CCBE1: variants seen among roughly 807,000 people sequenced by gnomAD.
The protein encoded by CCBE1 is collagen and calcium-binding EGF domain-containing protein 1.
Under a neutral mutation model 50.0 loss-of-function variants are expected in CCBE1, and 37 were observed. The observed-to-expected ratio is 0.74, with a 90% CI of 0.57 to 0.97. The LOEUF (loss-of-function observed/expected upper bound fraction) is 0.97, where lower values mean the gene tolerates loss of function less well. CCBE1 is among the 50% of genes least tolerant of loss of function. CCBE1 has a pLI of 0.00. For synonymous variants in CCBE1, 234 were observed against 203.7 expected, an observed-to-expected ratio of 1.15 and a Z score of -1.27; for missense variants, 538 against 523.8, an observed-to-expected ratio of 1.03 and a Z score of -0.26.
chr18:59,474,388 A>T (rs643126), intron 3 of CCBE1, among the ~76,000 whole-genome samples: 101,050 of 152,104 alleles, frequency 0.66, 34,013 homozygotes, highest in East Asian at 0.84. Context: ...ACATCTGGGT[A>T]TCACTGTAAG....
chr18:59,582,468 C>T (rs974247549), intron 2 of CCBE1, among the ~76,000 whole-genome samples: 1 of 152,202 alleles, frequency 6.6e-6, no homozygotes, highest in Admixed American at 6.5e-5. Context: ...AAAGCTGAAA[C>T]TTAAATGTTT....
At chr18:59,440,883 C>T (rs573531918) in intron 7 of CCBE1, among the ~76,000 whole-genome samples, 2 of 152,262 alleles carry the variant, frequency 1.3e-5, no homozygotes, top group South Asian at 4.2e-4. Context: ...GGGGAGAGAA[C>T]CCCTCTGTGG....
At chr18:59,578,032 G>A (rs2053024723) in intron 2 of CCBE1, among the ~76,000 whole-genome samples, 1 of 152,146 alleles carries the variant, frequency 6.6e-6, no homozygotes, top group Non-Finnish European at 1.5e-5. Context: ...GCAACCTACA[G>A]AATGGGAGAA....
intron 7 of CCBE1, among the ~76,000 whole-genome samples, chr18:59,444,991 G>C (rs1410883537): frequency 6.6e-6 from 1 of 151,952 alleles, no homozygotes. Context: ...CCATCCTGTA[G>C]GTTGTTTTTG....
At position 59,641,424 on chromosome 18, in the gene CCBE1, C is replaced by A. The variant is rs1400038992; in HGVS notation, c.212+55205G>T. ...GTCCATATGGACACAAATAAGGGAACAACAGACTCTGGGGCCTGCTTGAGG... is the reference window on the plus strand; with the variant it reads ...GTCCATATGGACACAAATAAGGGAAAAACAGACTCTGGGGCCTGCTTGAGG... On this transcript the variant is annotated intron_variant, in intron 2 of 10. Coordinates refer to ENST00000439986, the MANE Select transcript of CCBE1 (RefSeq NM_133459.4). 3.3e-5 allele frequency among the ~76,000 whole-genome samples: 5 copies of A among 152,090 alleles called. No individual in the cohort carries two copies. In the South Asian group the frequency reaches 8.3e-4, roughly 25 times the overall value.
At chr18:59,681,878 C>A (rs2054593071) in intron 2 of CCBE1, among the ~76,000 whole-genome samples, 1 of 152,220 alleles carries the variant, frequency 6.6e-6, no homozygotes, top group East Asian at 1.9e-4. Context: ...TTAAGCAAAT[C>A]CCCTGGGCTG....
chr18:59,507,517 C>CCT (rs1042357234), intron 2 of CCBE1, among the ~76,000 whole-genome samples: 1 of 152,204 alleles, frequency 6.6e-6, no homozygotes, highest in Non-Finnish European at 1.5e-5. Flanking sequence ...GATCCGCCAC[C>CCT]CTCTGTCTGG....
intron 2 of CCBE1, among the ~76,000 whole-genome samples, chr18:59,645,669 A>T (rs1018778248): frequency 4.6e-5 from 7 of 152,254 alleles, no homozygotes; most frequent in African/African-American, 1.7e-4. Context: ...CCTCCCCCAT[A>T]TTCTAAGGAA....
At chr18:59,622,506 A>AG (rs1014079952) in intron 2 of CCBE1, among the ~76,000 whole-genome samples, 15 of 127,252 alleles carry the variant, frequency 1.2e-4, no homozygotes, top group African/African-American at 4.0e-4. Context: ...TTCATCTTAA[A>AG]GAAAAAAAAA....
At chr18:59,497,513 A>G (rs538729411) in intron 2 of CCBE1, among the ~76,000 whole-genome samples, 9 of 152,368 alleles carry the variant, frequency 5.9e-5, no homozygotes, top group African/African-American at 2.2e-4. Context: ...GCATCTTTGT[A>G]CAGTGTGATT....
chr18:59,538,621 C>A (rs1439653905), intron 2 of CCBE1, among the ~76,000 whole-genome samples: 2 of 152,158 alleles, frequency 1.3e-5, no homozygotes, highest in Non-Finnish European at 2.9e-5. Flanking sequence ...AAAAAAATGC[C>A]TGACGTGAGG....
Position 59,453,582 on chromosome 18 carries a change from A to G in CCBE1, c.654+1269T>C, listed in dbSNP as rs368587137. 3.3e-5 allele frequency among the ~76,000 whole-genome samples: 5 copies of G among 152,300 alleles called. No individual in the cohort carries two copies. The East Asian group carries it at 5.8e-4, about 18-fold the overall frequency. On this transcript the variant is annotated intron_variant, in intron 6 of 10. Transcript: ENST00000439986. ...ATTTCTCTTCTCAGCCTGTTGATCT[A>G]CTGAACTGGTAGCTGTGGTTTTCAT...
chr18:59,437,175 T>G (rs189953108), intron 10 of CCBE1, among the ~76,000 whole-genome samples: 343 of 152,288 alleles, frequency 2.3e-3, no homozygotes, highest in African/African-American at 7.9e-3. Flanking sequence ...TACTAAGCCT[T>G]AATTTCATAT....
At chr18:59,618,339 G>GA (rs1197797337) in intron 2 of CCBE1, among the ~76,000 whole-genome samples, 2 of 148,848 alleles carry the variant, frequency 1.3e-5, no homozygotes, top group African/African-American at 4.9e-5. Context: ...GTTTAAAAAA[G>GA]AAAAAAAATG....
intron 2 of CCBE1, among the ~76,000 whole-genome samples, chr18:59,517,958 T>C (rs997488247): frequency 1.3e-5 from 2 of 152,154 alleles, no homozygotes; most frequent in Non-Finnish European, 2.9e-5. Flanking sequence ...GGGTGTGCTG[T>C]CTCCTATGTC....
intron 2 of CCBE1, among the ~76,000 whole-genome samples, chr18:59,562,036 G>A (rs886789369): frequency 5.9e-5 from 9 of 152,162 alleles, no homozygotes; most frequent in East Asian, 1.9e-4. Context: ...TAACAAGTAC[G>A]TAGGCAGAGA....
intron 2 of CCBE1, among the ~76,000 whole-genome samples, chr18:59,680,332 G>A (rs113954195): frequency 0.02 from 3,089 of 152,194 alleles, 89 homozygotes; most frequent in African/African-American, 0.071. Context: ...GCCCTAAGCA[G>A]TTTCCAGTTT....
At chr18:59,480,833 G>T (rs1490163656) in intron 2 of CCBE1, among the ~76,000 whole-genome samples, 1 of 151,732 alleles carries the variant, frequency 6.6e-6, no homozygotes, top group African/African-American at 2.4e-5. Context: ...TAGCAAACAG[G>T]TCATTCCTAA....
At chr18:59,443,003 G>GT (rs113096591) in intron 7 of CCBE1, among the ~76,000 whole-genome samples, 90 of 109,128 alleles carry the variant, frequency 8.2e-4, no homozygotes, top group African/African-American at 2.8e-3. Flanking sequence ...GTTTTGTTTT[G>GT]TTTTTTTAAT....
Sources: allele counts gnomAD v4.1 joint callset (sites outside exome capture counted in the v4.1 genomes callset), GRCh38; gene constraint gnomAD v4.1.1; transcripts MANE v1.5; gene names NCBI Gene and HGNC (gene_info 2026-07-23, HGNC 2026-07-21).